CCDC9B: variants seen among roughly 807,000 people sequenced by gnomAD.
The protein encoded by CCDC9B is coiled-coil domain-containing protein 9B.
Under a neutral mutation model 47.2 loss-of-function variants are expected in CCDC9B, and 40 were observed. The observed-to-expected ratio is 0.85, with a 90% confidence interval of 0.66 to 1.10. The LOEUF is 1.10. CCDC9B is among the 50% of genes least tolerant of loss of function. The pLI, the probability that CCDC9B is intolerant of heterozygous loss-of-function variation, is 0.00. For missense variants in CCDC9B, 662 were observed against 651.0 expected, an observed-to-expected ratio of 1.02 and a Z score of -0.18; for synonymous variants, 238 against 250.7, an observed-to-expected ratio of 0.95 and a Z score of 0.48.
At chr15:40,336,115 G>A (rs1888953973) in intron 9 of CCDC9B, 1 of 985,414 alleles carries the variant, frequency 1.0e-6, no homozygotes, top group African/African-American at 1.7e-5. Flanking sequence ...CCTGGCAGAA[G>A]CCAAAGCCCA....
Position 40,335,032 on chromosome 15 carries a change from T to G in CCDC9B, c.*126A>C, listed in dbSNP as rs955666416. The G allele has an allele frequency of 3.3e-6, 3 of 899,586 alleles. No individual in the cohort carries two copies. The highest frequency in any genetic ancestry group is 5.2e-5 in the East Asian group (2 of 38,648). 55.7% of individuals were successfully genotyped at this position (899,586 alleles called of 1,614,324 possible). A position where few individuals can be genotyped will look rare whatever the true frequency, so the allele number is the denominator to read the frequency against. On this transcript the variant is annotated 3_prime_UTR_variant, in exon 11 of 11. Transcript: ENST00000397536. Reference sequence around the variant, plus strand: ...TCACAAGGTCGCCATGCTGGAGAGTTTGCCACACTGCTCAGTGACAATGGC... The same window carrying G: ...TCACAAGGTCGCCATGCTGGAGAGTGTGCCACACTGCTCAGTGACAATGGC...
rs1888920883 is a variant in CCDC9B, at chr15:40,334,827, T to A, written c.*331A>T. On this transcript the variant is annotated 3_prime_UTR_variant, in exon 11 of 11. Transcript: ENST00000397536. The stretch of plus-strand genomic sequence containing the variant: ...CCAGGTGCTGGGTGCCACCAAGCCT[T>A]GTTCTCTCATCATAGTGGAGAAGGC... 1 of 209,824 alleles carries A rather than the reference T, an allele frequency of 4.8e-6. No homozygotes were observed. The highest frequency in any genetic ancestry group is 9.5e-6 in the Non-Finnish European group (1 of 105,810). 13.0% of individuals were successfully genotyped at this position (209,824 alleles called of 1,614,324 possible).
At chr15:40,335,931 G>C (rs889865062) in intron 9 of CCDC9B, 105 bp from the exon 10 acceptor site, 2 of 1,536,654 alleles carry the variant, frequency 1.3e-6, no homozygotes, top group Non-Finnish European at 1.8e-6. Flanking sequence ...AGTGAGGAAG[G>C]CTGAGCTGGG....
intron 9 of CCDC9B, 91 bp downstream of exon 9, chr15:40,336,483 C>G: frequency 1.3e-6 from 2 of 1,501,158 alleles, no homozygotes; most frequent in Non-Finnish European, 1.8e-6. Flanking sequence ...GCAGGGGCCC[C>G]AGGGATGGAG....
At position 40,338,540 on chromosome 15, in the gene CCDC9B, G is replaced by A. The variant is rs371670191; in HGVS notation, c.508C>T (p.Arg170Trp). Reference protein sequence around the residue: ...TQVAISSDSARKGSWEPWSRP... With the variant: ...TQVAISSDSAWKGSWEPWSRP... ...ATCCCCTCTTGAAGACACACCTTCC[G>A]TGCAGAATCTGAGCTGATGGCCACC... The change falls in exon 5 of 11, where the codon CGG becomes TGG. Residue 170 changes from arginine (R) to tryptophan (W), a missense_variant. Transcript: ENST00000397536. 17 of 1,613,714 alleles carry A rather than the reference G, an allele frequency of 1.1e-5. No homozygotes were observed. Among genetic ancestry groups the A allele is most frequent in the South Asian group, 7.7e-5 (7 of 91,022 alleles).
rs1889034171 is a variant in CCDC9B at position 40,339,212 on chromosome 15, A to T, written c.231+300T>A. The T allele has an allele frequency of 6.9e-6, 4 of 580,274 alleles. No individual in the cohort carries two copies. The South Asian group carries it at 8.0e-5, about 12-fold the overall frequency. The allele number at this position is 580,274 out of a possible 1,614,324, so 35.9% of individuals were successfully genotyped here. ...TTCAGCCCCAACTTCTCTGTCCCCC[A>T]CTTCCTGCAGGGTTTTAGCCCCTGG... On this transcript the variant is annotated intron_variant, in intron 3 of 10. Transcript: ENST00000397536.
chr15:40,337,500 C>T (rs1470975622), intron 6 of CCDC9B, 54 bp from the exon 7 acceptor site: 15 of 1,434,802 alleles, frequency 1.0e-5, no homozygotes, highest in Non-Finnish European at 1.2e-5. Flanking sequence ...CCGCGGGCCC[C>T]ACCCTGACAC....
intron 9 of CCDC9B, chr15:40,336,059 G>T (rs931175955): frequency 1.0e-6 from 1 of 985,268 alleles, no homozygotes; most frequent in African/African-American, 1.7e-5. Context: ...CCAGAGAGGA[G>T]GGGCCTCCAC....
At chr15:40,340,058 C>T in intron 1 of CCDC9B, 43 bp from the exon 2 acceptor site, 1 of 1,238,146 alleles carries the variant, frequency 8.1e-7, no homozygotes, top group Non-Finnish European at 1.2e-6. Flanking sequence ...CCGGGTCCCC[C>T]TCTCACCAGT....
rs1467372214 is a variant in CCDC9B, at chr15:40,335,707, CAA to C, written c.931-9_931-8del. 2.5e-6 allele frequency: 4 copies of C among 1,569,838 alleles called. No homozygotes were observed. Among genetic ancestry groups the C allele is most frequent in the African/African-American group, 1.4e-5 (1 of 74,040 alleles). On this transcript the variant is annotated splice_region_variant and splice_polypyrimidine_tract_variant and intron_variant, in intron 10 of 10. Coordinates refer to ENST00000397536, the MANE Select transcript of CCDC9B (RefSeq NM_207380.3). The stretch of plus-strand genomic sequence containing the variant: ...CTCTGGTGCTTTGGCTTCCCTGAAA[CAA>C]GAGAATAGCCCCGGTGGCTGATGAA...
Position 40,339,654 on chromosome 15 carries a change from C to T in CCDC9B, c.124-35G>A, listed in dbSNP as rs568187340. ...GGCTGGGGGTCAGCACACGCCATGGCCCCCCAGGTGCACAGAGACATAGAT... is the reference window on the plus strand; with the variant it reads ...GGCTGGGGGTCAGCACACGCCATGGTCCCCCAGGTGCACAGAGACATAGAT... On this transcript the variant is annotated intron_variant, in intron 2 of 10. Coordinates refer to ENST00000397536, the MANE Select transcript of CCDC9B (RefSeq NM_207380.3). 2.3e-5 allele frequency: 37 copies of T among 1,609,248 alleles called. No individual in the cohort carries two copies. The African/African-American group carries it at 4.1e-4, about 18-fold the overall frequency.
intron 9 of CCDC9B, 90 bp from the exon 10 acceptor site, chr15:40,335,916 G>C (rs1888949610): frequency 6.5e-7 from 1 of 1,548,772 alleles, no homozygotes; most frequent in African/African-American, 1.4e-5. Context: ...GTGGAGTTGA[G>C]AGCCAGTGAG....
At chr15:40,339,373 G>A (rs563217361) in intron 3 of CCDC9B, 139 bp downstream of exon 3, 6 of 827,458 alleles carry the variant, frequency 7.3e-6, no homozygotes, top group East Asian at 2.6e-5. Context: ...GCAGTGGTCC[G>A]ACTGCAGGAG....
At position 40,335,597 on chromosome 15, in the gene CCDC9B, G is replaced by C. The variant is rs1888940180; in HGVS notation, c.1034C>G (p.Ala345Gly). The change falls in exon 11 of 11, where the codon GCC (alanine) becomes GGC (glycine). Residue 345 changes from alanine (A) to glycine (G), a missense_variant. Transcript: ENST00000397536. The stretch of plus-strand genomic sequence containing the variant: ...CTTCGGCCCCTCTGGGGATGCCAGG[G>C]CTGGGCTGGCTGCAGGGGCGCTCCC... ...RLGSAPAASP[A>G]LASPEGPKGE... 1 of 1,499,394 alleles carries C rather than the reference G, an allele frequency of 6.7e-7. No individual in the cohort carries two copies. The highest frequency in any genetic ancestry group is 8.9e-7 in the Non-Finnish European group (1 of 1,120,996). 92.9% of individuals were successfully genotyped at this position (1,499,394 alleles called of 1,614,324 possible).
chr15:40,334,800 A>C lies in CCDC9B; in HGVS notation c.*358T>G, dbSNP rs1888920530. 5.5e-6 allele frequency: 1 copy of C among 180,572 alleles called. No individual in the cohort carries two copies. Among genetic ancestry groups the C allele is most frequent in the Non-Finnish European group, 1.1e-5 (1 of 87,314 alleles). The allele number at this position is 180,572 out of a possible 1,614,324, so 11.2% of individuals were successfully genotyped here. A position where few individuals can be genotyped will look rare whatever the true frequency, so the allele number is the denominator to read the frequency against. On this transcript the variant is annotated 3_prime_UTR_variant, in exon 11 of 11. Transcript: ENST00000397536. ...TGGGGGGGTGACGGGGAGCCAGGAG[A>C]GCCAGGTGCTGGGTGCCACCAAGCC... is the stretch of plus-strand genomic sequence containing the variant.
rs1168984531 is a variant in CCDC9B, at chr15:40,334,957, CAT to C, written c.*199_*200del. The C allele has an allele frequency of 3.9e-5, 18 of 460,954 alleles. No homozygotes were observed. The highest frequency in any genetic ancestry group is 9.9e-5 in the African/African-American group (5 of 50,668). The allele number at this position is 460,954 out of a possible 1,614,324, so 28.6% of individuals were successfully genotyped here. On this transcript the variant is annotated 3_prime_UTR_variant, in exon 11 of 11. Transcript: ENST00000397536. ...GGCTGTGCCCGTGCGTGAAAACACACATGTGCACAGAGATGAGCGTGTGAGGT... is the reference window on the plus strand; with the variant it reads ...GGCTGTGCCCGTGCGTGAAAACACACGTGCACAGAGATGAGCGTGTGAGGT...
chr15:40,339,730 C>T lies in CCDC9B; in HGVS notation c.124-111G>A, dbSNP rs577160829. The T allele has an allele frequency of 8.3e-5, 127 of 1,521,632 alleles. No individual in the cohort carries two copies. In the African/African-American group the frequency reaches 1.5e-3, roughly 19 times the overall value. 94.3% of individuals were successfully genotyped at this position (1,521,632 alleles called of 1,614,324 possible). A position where few individuals can be genotyped will look rare whatever the true frequency, so the allele number is the denominator to read the frequency against. ...CCAGTGGGACACCAGGGGGCAGAGG[C>T]GCCACATCACACATCCCCAGGACCC... On this transcript the variant is annotated intron_variant, in intron 2 of 10. Transcript: ENST00000397536.
At chr15:40,336,155 T>C (rs1888954685) in intron 9 of CCDC9B, 1 of 985,418 alleles carries the variant, frequency 1.0e-6, no homozygotes, top group East Asian at 1.1e-4. Flanking sequence ...AGAGCCAGAA[T>C]GTGGCTCCAG....
In CCDC9B at chr15:40,338,863, C is replaced by CA; in HGVS notation, c.271dup (p.Cys91LeufsTer11). 1 of 1,614,192 alleles carries CA rather than the reference C, an allele frequency of 6.2e-7. No homozygotes were observed. Among genetic ancestry groups the CA allele is most frequent in the Non-Finnish European group, 8.5e-7 (1 of 1,180,022 alleles). ...CATCTCGTTGGTCACTCTGGGTCCA[C>CA]AGGTACCCCTTGCCCAGTTCCTGCT... is the stretch of plus-strand genomic sequence containing the variant. On this transcript the variant is annotated frameshift_variant, in exon 4 of 11. Transcript: ENST00000397536. LOFTEE classifies it high-confidence loss of function.
Sources: gnomAD v4.1 joint callset for allele counts on GRCh38, gnomAD v4.1.1 for gene constraint, MANE v1.5 for transcripts, NCBI Gene and HGNC (gene_info 2026-07-23, HGNC 2026-07-21) for gene names.